Variants in SLC24A2 observed in about 807,000 individuals in gnomAD.
SLC24A2 encodes solute carrier family 24 member 2.
A neutral mutation model predicts 62.0 loss-of-function variants in SLC24A2; 36 were observed. The ratio of observed to expected loss-of-function variants is 0.58; its 90% CI spans 0.44 to 0.77. The LOEUF is 0.77. Ranked by LOEUF, SLC24A2 falls within the 30% of genes least tolerant of loss-of-function variation. SLC24A2 has a pLI of 0.00. For missense variants in SLC24A2, 846 were observed against 817.9 expected, an observed-to-expected ratio of 1.03 and a Z score of -0.42; for synonymous variants, 358 against 294.0, an observed-to-expected ratio of 1.22 and a Z score of -2.23.
chr9:19,841,332 G>A, the SLC24A2 span, among the ~76,000 whole-genome samples: 6 of 152,096 alleles, frequency 3.9e-5, no homozygotes, highest in Non-Finnish European at 8.8e-5. Flanking sequence ...ATCACTAAGG[G>A]GATGGCATTT....
rs966307231 is a variant in SLC24A2 at position 19,615,196 on chromosome 9, A to G, written c.1078+4388T>C. ...AAAGGGGAATGTGTTTCTGTAGGCC[A>G]TCTGTCCTAGATGCTGCTTTCAAAT... On this transcript the variant is annotated intron_variant, in intron 4 of 10. Coordinates refer to ENST00000341998, the MANE Select transcript of SLC24A2 (RefSeq NM_020344.4). Among the ~76,000 whole-genome samples, 4 of 152,336 alleles carry G rather than the reference A, an allele frequency of 2.6e-5. No individual in the cohort carries two copies. In the South Asian group the frequency reaches 8.3e-4, roughly 32 times the overall value.
the SLC24A2 span, among the ~76,000 whole-genome samples, chr9:19,920,023 T>G: frequency 6.6e-6 from 1 of 152,200 alleles, no homozygotes; most frequent in African/African-American, 2.4e-5. Context: ...ACTTTTTACT[T>G]TGATCTGAGT....
chr9:19,939,275 T>C, the SLC24A2 span, among the ~76,000 whole-genome samples: 9 of 152,244 alleles, frequency 5.9e-5, no homozygotes, highest in Non-Finnish European at 1.3e-4. Flanking sequence ...TGTGTGAACA[T>C]CATGGAGTAT....
the SLC24A2 span, among the ~76,000 whole-genome samples, chr9:19,819,114 A>G: frequency 6.6e-6 from 1 of 152,162 alleles, no homozygotes; most frequent in South Asian, 2.1e-4. Flanking sequence ...CACCCTTTTC[A>G]ACAAATGGTG....
At chr9:20,093,122 A>G in the SLC24A2 span, among the ~76,000 whole-genome samples, 7 of 151,480 alleles carry the variant, frequency 4.6e-5, no homozygotes, top group African/African-American at 1.7e-4. Flanking sequence ...CCCAGGCTGG[A>G]GCGCAGTAGC....
chr9:19,897,397 T>G, the SLC24A2 span, among the ~76,000 whole-genome samples: 1 of 152,262 alleles, frequency 6.6e-6, no homozygotes, highest in South Asian at 2.1e-4. Context: ...CTTTTAGACA[T>G]GTACTAAAAG....
chr9:19,651,186 C>T (rs1029154030), intron 2 of SLC24A2, among the ~76,000 whole-genome samples: 21 of 152,128 alleles, frequency 1.4e-4, no homozygotes, highest in African/African-American at 4.8e-4. Flanking sequence ...CTACAACACC[C>T]TAAGTGGAAA....
At chr9:20,206,011 T>C in the SLC24A2 span, among the ~76,000 whole-genome samples, 995 of 152,300 alleles carry the variant, frequency 6.5e-3, 9 homozygotes, top group East Asian at 0.026. Flanking sequence ...TGAACCAATG[T>C]TTTCCAAATG....
chr9:19,557,843 C>A (rs1291930608), intron 7 of SLC24A2, among the ~76,000 whole-genome samples: 1 of 148,494 alleles, frequency 6.7e-6, no homozygotes, highest in Non-Finnish European at 1.5e-5. Context: ...CAGGGTCTCA[C>A]TCTGTCACCT....
chr9:19,551,068 G>C (rs1200625467), intron 7 of SLC24A2, among the ~76,000 whole-genome samples: 1 of 152,100 alleles, frequency 6.6e-6, no homozygotes, highest in African/African-American at 2.4e-5. Flanking sequence ...CATTAGGACT[G>C]ATTTCTTCTA....
chr9:19,820,077 A>C, the SLC24A2 span, among the ~76,000 whole-genome samples: 1 of 139,622 alleles, frequency 7.2e-6, no homozygotes, highest in Non-Finnish European at 1.5e-5. Flanking sequence ...ATATATATAT[A>C]TATATACAAT....
intron 2 of SLC24A2, among the ~76,000 whole-genome samples, chr9:19,660,039 C>T (rs1819051371): frequency 6.6e-6 from 1 of 152,124 alleles, no homozygotes; most frequent in African/African-American, 2.4e-5. Flanking sequence ...GGAATTCTCC[C>T]AGATGCAAAA....
At chr9:19,545,330 A>G (rs1834497640) in intron 8 of SLC24A2, among the ~76,000 whole-genome samples, 1 of 152,030 alleles carries the variant, frequency 6.6e-6, no homozygotes, top group African/African-American at 2.4e-5. Flanking sequence ...AATTCGCGTA[A>G]CCTTTTTTCA....
the SLC24A2 span, among the ~76,000 whole-genome samples, chr9:20,021,199 G>A: frequency 6.6e-6 from 1 of 152,108 alleles, no homozygotes; most frequent in East Asian, 1.9e-4. Flanking sequence ...AGTTACAAAA[G>A]GCAAGGAAGG....
the SLC24A2 span, among the ~76,000 whole-genome samples, chr9:20,253,304 T>C: frequency 2.6e-5 from 4 of 151,984 alleles, no homozygotes; most frequent in Non-Finnish European, 5.9e-5. Context: ...CTTTCCAGAG[T>C]TTTTACAAGA....
Position 19,527,724 on chromosome 9 carries a change from T to G in SLC24A2, c.1569+325A>C, listed in dbSNP as rs1360012027. Among the ~76,000 whole-genome samples, 3 of 152,190 alleles carry G rather than the reference T, an allele frequency of 2.0e-5. No homozygotes were observed. In the East Asian group the frequency reaches 5.8e-4, roughly 29 times the overall value. ...AGGTGAGTGGCTGCTCAAGATAAAG[T>G]CAGTACTACTGAACCAGGCAAAATC... is the stretch of plus-strand genomic sequence containing the variant. On this transcript the variant is annotated intron_variant, in intron 9 of 10. Coordinates refer to ENST00000341998, the MANE Select transcript of SLC24A2 (RefSeq NM_020344.4).
Position 19,576,992 on chromosome 9 carries a change from T to C in SLC24A2, c.1160A>G (p.His387Arg). 6.2e-7 allele frequency: 1 copy of C among 1,614,154 alleles called. No homozygotes were observed. Among genetic ancestry groups the C allele is most frequent in the Non-Finnish European group, 8.5e-7 (1 of 1,179,994 alleles). ...GRFREKASIL[H>R]KIAKKKCHVD... ...ATGACATTTCTTCTTGGCGATCTTG[T>C]GGAGAATTGAAGCCTTTTCTCTGAA... Residue 387 changes from histidine to arginine, a missense_variant, in exon 6 of 11, where the codon CAC becomes CGC. His to Arg is a conservative substitution (Grantham distance 29, BLOSUM62 0). Coordinates refer to ENST00000341998, the MANE Select transcript of SLC24A2 (RefSeq NM_020344.4).
At chr9:19,557,892 C>T (rs1835176387) in intron 7 of SLC24A2, among the ~76,000 whole-genome samples, 1 of 151,264 alleles carries the variant, frequency 6.6e-6, no homozygotes, top group Non-Finnish European at 1.5e-5. Context: ...GATCTCAGCT[C>T]ACTGTAGCCT....
the SLC24A2 span, chr9:19,928,024 T>G: frequency 6.6e-6 from 1 of 152,428 alleles, no homozygotes; most frequent in Non-Finnish European, 1.5e-5. Flanking sequence ...AGGCAGGTCT[T>G]CGGCTCACTC....
Sources: allele counts gnomAD v4.1 joint callset (sites outside exome capture counted in the v4.1 genomes callset), GRCh38; gene constraint gnomAD v4.1.1; transcripts MANE v1.5; gene names NCBI Gene and HGNC (gene_info 2026-07-23, HGNC 2026-07-21).